CSMD1: variants seen among roughly 807,000 people sequenced by gnomAD.
CSMD1 encodes CUB and sushi domain-containing protein 1.
In CSMD1, 213 loss-of-function variants were observed where a neutral mutation model predicts 417.5. The ratio of observed to expected loss-of-function variants is 0.51; its 90% CI spans 0.46 to 0.57. The LOEUF is 0.57. CSMD1 is among the 20% of genes least tolerant of loss of function. The probability of loss-of-function intolerance (pLI) is 0.00; values close to 1 mark genes in which losing one functional copy is unlikely to be tolerated. For synonymous variants in CSMD1, 2,862 were observed against 1,736.8 expected, an observed-to-expected ratio of 1.65 and a Z score of -16.11; for missense variants, 6,923 against 4,529.7, an observed-to-expected ratio of 1.53 and a Z score of -15.17.
At chr8:3,619,052 A>T (rs927632677) in intron 7 of CSMD1, among the ~76,000 whole-genome samples, 1 of 152,200 alleles carries the variant, frequency 6.6e-6, no homozygotes, top group Non-Finnish European at 1.5e-5. Flanking sequence ...AAACTGCAGC[A>T]AGATTGCAAA....
chr8:3,312,647 A>C (rs753369657), intron 23 of CSMD1, among the ~76,000 whole-genome samples: 2 of 152,320 alleles, frequency 1.3e-5, no homozygotes, highest in Middle Eastern at 3.4e-3. Flanking sequence ...AATACCTTGA[A>C]GGACTAGAGA....
chr8:4,125,657 C>T (rs1362128682), intron 3 of CSMD1, among the ~76,000 whole-genome samples: 3 of 152,206 alleles, frequency 2.0e-5, no homozygotes, highest in African/African-American at 7.2e-5. Flanking sequence ...CTCTATGTTG[C>T]TTCTAACCTT....
intron 3 of CSMD1, among the ~76,000 whole-genome samples, chr8:4,040,929 T>G (rs1797853674): frequency 6.6e-6 from 1 of 151,920 alleles, no homozygotes; most frequent in African/African-American, 2.4e-5. Flanking sequence ...TAGTGTGAAT[T>G]ATTAAATAAT....
chr8:4,564,342 C>T (rs916804802), intron 2 of CSMD1, among the ~76,000 whole-genome samples: 1 of 152,098 alleles, frequency 6.6e-6, no homozygotes, highest in Admixed American at 6.6e-5. Context: ...TCTGTCTAGG[C>T]TGCTATAAGA....
At chr8:4,417,284 T>C (rs759379273) in intron 3 of CSMD1, among the ~76,000 whole-genome samples, 12 of 152,052 alleles carry the variant, frequency 7.9e-5, no homozygotes, top group Admixed American at 2.0e-4. Flanking sequence ...CTATTCTCAT[T>C]ATGTAGCTTA....
At chr8:3,337,486 G>T (rs529605348) in intron 23 of CSMD1, among the ~76,000 whole-genome samples, 1 of 152,204 alleles carries the variant, frequency 6.6e-6, no homozygotes, top group African/African-American at 2.4e-5. Flanking sequence ...TCTCTTTGCG[G>T]TTGGCAGTCT....
At chr8:3,648,014 C>G (rs1244719450) in intron 7 of CSMD1, among the ~76,000 whole-genome samples, 1 of 152,190 alleles carries the variant, frequency 6.6e-6, no homozygotes, top group Admixed American at 6.5e-5. Context: ...ATTCTTATTT[C>G]TTGTGCAGCT....
At chr8:3,286,806 G>C (rs971462233) in intron 25 of CSMD1, among the ~76,000 whole-genome samples, 4 of 152,088 alleles carry the variant, frequency 2.6e-5, no homozygotes, top group African/African-American at 9.7e-5. Context: ...TTCTTGTGCT[G>C]TGCAGAAGCT....
chr8:4,740,215 A>T (rs1188229804), intron 1 of CSMD1, among the ~76,000 whole-genome samples: 2 of 152,202 alleles, frequency 1.3e-5, no homozygotes, highest in Non-Finnish European at 2.9e-5. Context: ...CCCCAGGAAC[A>T]AGTGGAATCT....
At chr8:4,406,725 A>T (rs1458103952) in intron 3 of CSMD1, among the ~76,000 whole-genome samples, 2 of 152,190 alleles carry the variant, frequency 1.3e-5, no homozygotes, top group Non-Finnish European at 2.9e-5. Flanking sequence ...TGTCCAAATG[A>T]TACCAGAGAA....
At chr8:4,896,571 CTGATT>C (rs1468012320) in intron 1 of CSMD1, among the ~76,000 whole-genome samples, 1 of 152,084 alleles carries the variant, frequency 6.6e-6, no homozygotes, top group Non-Finnish European at 1.5e-5. Flanking sequence ...CTTACACATA[CTGATT>C]TAATATTTAA....
At chr8:3,448,643 G>C (rs772828296) in intron 12 of CSMD1, among the ~76,000 whole-genome samples, 8 of 152,014 alleles carry the variant, frequency 5.3e-5, no homozygotes, top group Admixed American at 2.0e-4. Flanking sequence ...GGCAAGGAGC[G>C]GGGCAGCATG....
At chr8:4,151,157 T>G (rs1053992275) in intron 3 of CSMD1, among the ~76,000 whole-genome samples, 1 of 152,214 alleles carries the variant, frequency 6.6e-6, no homozygotes, top group African/African-American at 2.4e-5. Flanking sequence ...AGAGCCAATC[T>G]TTGAAAGCAA....
At chr8:4,338,692 G>A (rs150270856) in intron 3 of CSMD1, among the ~76,000 whole-genome samples, 43 of 152,196 alleles carry the variant, frequency 2.8e-4, no homozygotes, top group African/African-American at 5.3e-4. Context: ...CAATTCCATA[G>A]TTCCGGTTCT....
At chr8:4,459,247 G>T (rs528012950) in intron 2 of CSMD1, among the ~76,000 whole-genome samples, 1 of 152,214 alleles carries the variant, frequency 6.6e-6, no homozygotes, top group Non-Finnish European at 1.5e-5. Context: ...CTCAACTCCA[G>T]AATAAAAGGT....
intron 41 of CSMD1, among the ~76,000 whole-genome samples, chr8:3,131,729 C>A: frequency 6.6e-6 from 1 of 152,128 alleles, no homozygotes; most frequent in East Asian, 1.9e-4. Context: ...GCCTCGGCCT[C>A]CCAAAATGTT....
At chr8:3,850,534 T>C (rs940552508) in intron 5 of CSMD1, among the ~76,000 whole-genome samples, 6 of 151,804 alleles carry the variant, frequency 4.0e-5, no homozygotes, top group African/African-American at 9.7e-5. Flanking sequence ...ATCTCTATTA[T>C]GGATACAAAA....
chr8:3,466,660 C>T (rs373018198), intron 12 of CSMD1, among the ~76,000 whole-genome samples: 1 of 150,370 alleles, frequency 6.7e-6, no homozygotes, highest in Admixed American at 6.6e-5. Context: ...AACTCCTGAC[C>T]TTAAGTGATC....
At chr8:4,016,235 T>C (rs993370350) in intron 4 of CSMD1, among the ~76,000 whole-genome samples, 2 of 152,152 alleles carry the variant, frequency 1.3e-5, no homozygotes, top group Admixed American at 1.3e-4. Context: ...GATCTCTCCA[T>C]TCCCTTTGCT....
Sources: gnomAD v4.1 joint callset for allele counts (sites outside exome capture counted in the v4.1 genomes callset) on GRCh38, gnomAD v4.1.1 for gene constraint, MANE v1.5 for transcripts, NCBI Gene and HGNC (gene_info 2026-07-23, HGNC 2026-07-21) for gene names.